SPA17: variants seen among roughly 807,000 people sequenced by gnomAD.
SPA17 encodes sperm autoantigenic protein 17.
In SPA17, 7 loss-of-function variants were observed where a neutral mutation model predicts 13.8. The ratio of observed to expected loss-of-function variants is 0.51; its 90% CI spans 0.29 to 0.95. SPA17 has a LOEUF of 0.95. SPA17 is among the 40% of genes least tolerant of loss of function. The pLI, the probability that SPA17 is intolerant of heterozygous loss-of-function variation, is 0.08. For missense variants in SPA17, 170 were observed against 179.3 expected (o/e 0.95, Z 0.30); for synonymous variants, 61 against 59.0 (o/e 1.03, Z -0.16).
chr11:124,681,500 C>G, intron 3 of SPA17, 41 bp downstream of exon 3: 1 of 1,491,594 alleles, frequency 6.7e-7, no homozygotes, highest in East Asian at 2.5e-5. Flanking sequence ...TATTTCTTCT[C>G]TCTGTCTACA....
chr11:124,692,897 G>C (rs1430862327), intron 4 of SPA17, among the ~76,000 whole-genome samples: 1 of 152,172 alleles, frequency 6.6e-6, no homozygotes, highest in Non-Finnish European at 1.5e-5. Flanking sequence ...AGAACTGGCA[G>C]CCAGAATGGA....
chr11:124,692,786 T>C (rs1010577549), intron 4 of SPA17, among the ~76,000 whole-genome samples: 2 of 152,174 alleles, frequency 1.3e-5, no homozygotes, highest in Admixed American at 6.5e-5. Context: ...TCCAGACTCT[T>C]GTGGACTAGG....
Position 124,694,815 on chromosome 11 carries a change from A to C in SPA17, c.*369A>C, listed in dbSNP as rs1943657260. 6.4e-6 allele frequency: 1 copy of C among 156,544 alleles called. No homozygotes were observed. Among genetic ancestry groups the C allele is most frequent in the Admixed American group, 6.5e-5 (1 of 15,398 alleles). The allele number at this position is 156,544 out of a possible 1,614,324, so 9.7% of individuals were successfully genotyped here. A position where few individuals can be genotyped will look rare whatever the true frequency, so the allele number is the denominator to read the frequency against. On this transcript the variant is annotated 3_prime_UTR_variant, in exon 5 of 5. Coordinates refer to ENST00000227135, the MANE Select transcript of SPA17 (RefSeq NM_017425.4). The stretch of plus-strand genomic sequence containing the variant: ...AAAAATGTTCTTTAGCTCCTGTTTC[A>C]CTCCTAGTGGTAAAGAATTTCACTG...
chr11:124,691,799 A>T lies in SPA17; in HGVS notation c.312+17A>T. 3.2e-6 allele frequency: 5 copies of T among 1,541,024 alleles called. No individual in the cohort carries two copies. In the Admixed American group the frequency reaches 8.7e-5, roughly 27 times the overall value. On this transcript the variant is annotated intron_variant, in intron 4 of 4. Transcript: ENST00000227135. ...ACCATCTTAGTATGTAATATTTTTC[A>T]TGTACTATTGGATTCCTACAAAGAA...
At position 124,675,323 on chromosome 11, in the gene SPA17, T is replaced by C; in HGVS notation, c.59T>C (p.Leu20Pro). The part of the protein sequence containing the change: ...YRIPQGFGNL[L>P]EGLTREILRE... ...ATTCCACAAGGATTTGGGAATCTTC[T>C]TGAAGGGCTGACACGCGAGATTCTG... Residue 20 changes from leucine (L) to proline (P), a missense_variant, in exon 2 of 5, where the codon CTT (leucine) becomes CCT (proline). Physicochemically the swap from Leu to Pro is moderately conservative, Grantham distance 98 (BLOSUM62 -3). Coordinates refer to ENST00000227135, the MANE Select transcript of SPA17 (RefSeq NM_017425.4). 6.2e-7 allele frequency: 1 copy of C among 1,614,216 alleles called. No homozygotes were observed. The highest frequency in any genetic ancestry group is 1.1e-5 in the South Asian group (1 of 91,088).
intron 2 of SPA17, among the ~76,000 whole-genome samples, chr11:124,681,125 T>C (rs1943525113): frequency 6.6e-6 from 1 of 152,166 alleles, no homozygotes; most frequent in Non-Finnish European, 1.5e-5. Context: ...CCCATTTTAT[T>C]ATAAATTTTA....
At chr11:124,679,432 G>A (rs1943504717) in intron 2 of SPA17, among the ~76,000 whole-genome samples, 1 of 152,108 alleles carries the variant, frequency 6.6e-6, no homozygotes, top group Admixed American at 6.5e-5. Flanking sequence ...AACTAAGCTA[G>A]TGTTATTAGG....
At chr11:124,675,460 A>C (rs1356342899) in intron 2 of SPA17, 42 bp downstream of exon 2, 1 of 1,595,338 alleles carries the variant, frequency 6.3e-7, no homozygotes, top group Non-Finnish European at 8.5e-7. Flanking sequence ...ATAAGAAACT[A>C]AGCATTTGTT....
rs746710809 is a variant in SPA17 at position 124,675,339 on chromosome 11, C to G, written c.75C>G (p.Arg25=). 2 of 1,614,166 alleles carry G rather than the reference C, an allele frequency of 1.2e-6. No homozygotes were observed. Among genetic ancestry groups the G allele is most frequent in the African/African-American group, 1.3e-5 (1 of 75,034 alleles). ...GFGNLLEGLT[R]EILREQPDNI... is the part of the protein sequence containing the mutation. Reference sequence around the variant, plus strand: ...GGAATCTTCTTGAAGGGCTGACACGCGAGATTCTGAGAGAGCAACCGGACA... The same window carrying G: ...GGAATCTTCTTGAAGGGCTGACACGGGAGATTCTGAGAGAGCAACCGGACA... Residue 25 remains arginine (R), a synonymous_variant, in exon 2 of 5, where the codon CGC becomes CGG. Transcript: ENST00000227135.
chr11:124,686,819 T>C (rs1943582650), intron 3 of SPA17, among the ~76,000 whole-genome samples: 1 of 152,136 alleles, frequency 6.6e-6, no homozygotes. Context: ...GAGAAGTTGA[T>C]AGCAATAAAT....
At chr11:124,682,528 A>C (rs1025979778) in intron 3 of SPA17, among the ~76,000 whole-genome samples, 1 of 152,172 alleles carries the variant, frequency 6.6e-6, no homozygotes, top group Non-Finnish European at 1.5e-5. Flanking sequence ...AAATTTTACA[A>C]GGTGATAGAT....
At chr11:124,681,152 GT>G (rs1415624758) in intron 2 of SPA17, among the ~76,000 whole-genome samples, 1 of 151,986 alleles carries the variant, frequency 6.6e-6, no homozygotes, top group Non-Finnish European at 1.5e-5. Context: ...CAGAAATTAC[GT>G]TTTTAGTGCT....
intron 3 of SPA17, among the ~76,000 whole-genome samples, chr11:124,685,767 T>G (rs1302481103): frequency 1.3e-5 from 2 of 152,184 alleles, no homozygotes; most frequent in Admixed American, 6.5e-5. Context: ...ATTTTGGAAC[T>G]TTAAGGTTTA....
At chr11:124,674,052 G>T in intron 1 of SPA17, 100 bp downstream of exon 1, 1 of 285,670 alleles carries the variant, frequency 3.5e-6, no homozygotes, top group Non-Finnish European at 6.7e-6. Flanking sequence ...TCGGAGCCCT[G>T]GGCCGTTTGG....
rs1943669471 is a variant in SPA17, at chr11:124,696,140, A to AT, written c.*1695dup. ...TGCTAGCTAAACACAAGTCTCTAAT[A>AT]TCCCCCTTCCTCTCCTCCTTAACCC... is the stretch of plus-strand genomic sequence containing the variant. On this transcript the variant is annotated 3_prime_UTR_variant, in exon 5 of 5. Transcript: ENST00000227135. The AT allele has an allele frequency of 6.6e-6, 1 of 152,176 alleles. No individual in the cohort carries two copies. The highest frequency in any genetic ancestry group is 2.4e-5 in the African/African-American group (1 of 41,424). 9.4% of individuals were successfully genotyped at this position (152,176 alleles called of 1,614,324 possible).
At chr11:124,685,623 C>A (rs1245421937) in intron 3 of SPA17, among the ~76,000 whole-genome samples, 1 of 152,164 alleles carries the variant, frequency 6.6e-6, no homozygotes, top group Non-Finnish European at 1.5e-5. Flanking sequence ...CATGGAAAAG[C>A]TGCATACACA....
In SPA17 at chr11:124,691,682, T is replaced by A. The variant is rs778981075; in HGVS notation, c.226-14T>A. ...GGAAACATTGCTAATTGTGGCTCTC[T>A]CCTATCTGTCCAGGAGCAAGAACCA... On this transcript the variant is annotated splice_polypyrimidine_tract_variant and intron_variant, in intron 3 of 4. Transcript: ENST00000227135. 2 of 1,584,980 alleles carry A rather than the reference T, an allele frequency of 1.3e-6. No individual in the cohort carries two copies. The highest frequency in any genetic ancestry group is 4.6e-5 in the East Asian group (2 of 43,936).
intron 3 of SPA17, among the ~76,000 whole-genome samples, chr11:124,688,518 C>T (rs1943596184): frequency 6.6e-6 from 1 of 152,012 alleles, no homozygotes. Context: ...TAGGAGTAAA[C>T]GTAACCAAGG....
At chr11:124,680,858 T>C (rs1943522397) in intron 2 of SPA17, among the ~76,000 whole-genome samples, 1 of 152,112 alleles carries the variant, frequency 6.6e-6, no homozygotes, top group Admixed American at 6.6e-5. Flanking sequence ...CATGGGAGTT[T>C]GTTATCATAT....
Sources: gnomAD v4.1 joint callset for allele counts (sites outside exome capture counted in the v4.1 genomes callset) on GRCh38, gnomAD v4.1.1 for gene constraint, MANE v1.5 for transcripts, NCBI Gene and HGNC (gene_info 2026-07-23, HGNC 2026-07-21) for gene names.